CDH23: variants seen among roughly 807,000 people sequenced by gnomAD.
The protein encoded by CDH23 is cadherin-23.
In CDH23, 189 loss-of-function variants were observed where a neutral mutation model predicts 317.1. That is an observed-to-expected ratio of 0.60 (90% confidence interval 0.53 to 0.67). The LOEUF (loss-of-function observed/expected upper bound fraction) is 0.67. Ranked by LOEUF, CDH23 falls within the 30% of genes least tolerant of loss-of-function variation. The pLI, the probability that CDH23 is intolerant of heterozygous loss-of-function variation, is 0.00. For synonymous variants in CDH23, 1,839 were observed against 1,876.8 expected (o/e 0.98, Z 0.52); for missense variants, 4,401 against 4,592.4 (o/e 0.96, Z 1.20).
chr10:71,423,561 G>A (rs1848909603), intron 1 of CDH23, among the ~76,000 whole-genome samples: 1 of 152,156 alleles, frequency 6.6e-6, no homozygotes, highest in Admixed American at 6.5e-5. Context: ...AGCAGCTCCA[G>A]GGGGGTGATG....
chr10:71,578,581 G>T (rs546781788), intron 9 of CDH23, among the ~76,000 whole-genome samples: 2 of 152,264 alleles, frequency 1.3e-5, no homozygotes, highest in South Asian at 2.1e-4. Context: ...CGGGTGATGG[G>T]ATCCCTGACC....
intron 57 of CDH23, among the ~76,000 whole-genome samples, chr10:71,806,844 C>CACT (rs1465335839): frequency 6.6e-6 from 1 of 152,190 alleles, no homozygotes; most frequent in African/African-American, 2.4e-5. Flanking sequence ...AGGCATAAGC[C>CACT]ACTACGCCCC....
At chr10:71,445,048 A>G (rs911444944) in intron 2 of CDH23, among the ~76,000 whole-genome samples, 1 of 152,176 alleles carries the variant, frequency 6.6e-6, no homozygotes, top group African/African-American at 2.4e-5. Context: ...CAAGCTCCCC[A>G]GCCCATGTAG....
intron 19 of CDH23, among the ~76,000 whole-genome samples, chr10:71,689,000 AGCCAGGG>A: frequency 9.6e-6 from 1 of 103,746 alleles, no homozygotes; most frequent in Non-Finnish European, 2.1e-5. Flanking sequence ...GGGATGGTGG[AGCCAGGG>A]GTGGTGGAGT....
chr10:71,402,972 AT>A (rs1847853808), intron 1 of CDH23, among the ~76,000 whole-genome samples: 1 of 152,008 alleles, frequency 6.6e-6, no homozygotes, highest in Non-Finnish European at 1.5e-5. Flanking sequence ...GAAAAAAAAA[AT>A]TAGCCGAGCG....
At chr10:71,572,111 T>C (rs1209040198) in intron 8 of CDH23, among the ~76,000 whole-genome samples, 1 of 152,214 alleles carries the variant, frequency 6.6e-6, no homozygotes, top group African/African-American at 2.4e-5. Flanking sequence ...CCTGCTACTG[T>C]TGAGTGTTTG....
chr10:71,674,004 A>G (rs1360220461), intron 14 of CDH23, among the ~76,000 whole-genome samples: 1 of 152,172 alleles, frequency 6.6e-6, no homozygotes, highest in African/African-American at 2.4e-5. Context: ...AGAGGTCTGC[A>G]CCGTCTATAG....
At chr10:71,578,984 T>C (rs1475429743) in intron 9 of CDH23, among the ~76,000 whole-genome samples, 1 of 152,190 alleles carries the variant, frequency 6.6e-6, no homozygotes, top group Non-Finnish European at 1.5e-5. Flanking sequence ...TACTGTGCCA[T>C]GTCATTTTCA....
intron 14 of CDH23, among the ~76,000 whole-genome samples, chr10:71,672,810 C>T (rs1864202281): frequency 2.0e-5 from 3 of 152,144 alleles, no homozygotes; most frequent in African/African-American, 7.2e-5. Flanking sequence ...GCAGGCACCT[C>T]ACATATCCTT....
At chr10:71,790,213 C>A (rs1841208641) in intron 45 of CDH23, 75 bp from the exon 46 acceptor site, 2 of 1,567,342 alleles carry the variant, frequency 1.3e-6, no homozygotes, top group South Asian at 1.2e-5. Context: ...CCATGGCTCA[C>A]CGGGACAGGG....
At chr10:71,649,650 T>G (rs926607725) in intron 14 of CDH23, among the ~76,000 whole-genome samples, 3 of 152,226 alleles carry the variant, frequency 2.0e-5, no homozygotes, top group African/African-American at 7.2e-5. Context: ...GACACCCTCA[T>G]GCACACAGTC....
intron 1 of CDH23, among the ~76,000 whole-genome samples, chr10:71,438,077 A>T (rs1485908839): frequency 1.3e-5 from 2 of 152,190 alleles, no homozygotes; most frequent in African/African-American, 2.4e-5. Context: ...ATGGTGGCTC[A>T]CGCCTGTAAT....
chr10:71,798,193 G>C (rs546053692), intron 49 of CDH23, among the ~76,000 whole-genome samples, 161 bp from the exon 50 acceptor site: 7 of 152,294 alleles, frequency 4.6e-5, no homozygotes, highest in East Asian at 1.9e-4. Context: ...CCACTGGAAA[G>C]CCTCCTGTGC....
chr10:71,515,059 G>A (rs530926420), intron 6 of CDH23, among the ~76,000 whole-genome samples: 27 of 152,260 alleles, frequency 1.8e-4, no homozygotes, highest in Non-Finnish European at 4.0e-4. Context: ...TGTGCCCCAG[G>A]GAGGTGACCC....
chr10:71,547,519 T>C (rs1156871947), intron 6 of CDH23, among the ~76,000 whole-genome samples: 1 of 152,192 alleles, frequency 6.6e-6, no homozygotes, highest in Non-Finnish European at 1.5e-5. Context: ...GTGGAGTTAC[T>C]GGAGGACTGG....
Position 71,643,845 on chromosome 10 carries a change from C to A in CDH23, c.1135-16C>A. ...TCTGTCTCCATATCCTTTGACTGACCGACTCCCATTGACAGAATTTGGTAA... is the reference window on the plus strand; with the variant it reads ...TCTGTCTCCATATCCTTTGACTGACAGACTCCCATTGACAGAATTTGGTAA... On this transcript the variant is annotated splice_polypyrimidine_tract_variant and intron_variant, in intron 11 of 69. Transcript: ENST00000224721. 1.3e-6 allele frequency: 1 copy of A among 766,046 alleles called. No individual in the cohort carries two copies. The allele number at this position is 766,046 out of a possible 1,614,324, so 47.5% of individuals were successfully genotyped here.
intron 28 of CDH23, among the ~76,000 whole-genome samples, chr10:71,718,921 T>C (rs1434898983): frequency 6.7e-6 from 1 of 148,588 alleles, no homozygotes; most frequent in Non-Finnish European, 1.5e-5. Context: ...AAAAAAAAGG[T>C]TTTTTAATTA....
chr10:71,723,461 C>T (rs190280169), intron 28 of CDH23, among the ~76,000 whole-genome samples: 17 of 152,252 alleles, frequency 1.1e-4, no homozygotes, highest in Admixed American at 3.3e-4. Context: ...AAGCCTGAGT[C>T]GCAGCCACGC....
At position 71,486,566 on chromosome 10, in the gene CDH23, C is replaced by G. The variant is rs115105086; in HGVS notation, c.146-23516C>G. Reference sequence around the variant, plus strand: ...TGACATCACTGTCTACCAGGGTTTCCCCAAATATCATCTTACACCAGACCT... The same window carrying G: ...TGACATCACTGTCTACCAGGGTTTCGCCAAATATCATCTTACACCAGACCT... On this transcript the variant is annotated intron_variant, in intron 3 of 69. Coordinates refer to ENST00000224721, the MANE Select transcript of CDH23 (RefSeq NM_022124.6). Among the ~76,000 whole-genome samples, 828 of 152,202 alleles carry G rather than the reference C, an allele frequency of 5.4e-3. 9 individuals carry two copies. Among genetic ancestry groups the G allele is most frequent in the South Asian group, 0.016 (76 of 4,820 alleles).
Sources: allele counts gnomAD v4.1 joint callset (sites outside exome capture counted in the v4.1 genomes callset), GRCh38; gene constraint gnomAD v4.1.1; transcripts MANE v1.5; gene names NCBI Gene and HGNC (gene_info 2026-07-23, HGNC 2026-07-21).